EPHB1: variants seen among roughly 807,000 people sequenced by gnomAD.
EPHB1 encodes the protein ephrin type-B receptor 1.
In EPHB1, 30 loss-of-function variants were observed where a neutral mutation model predicts 94.4. The ratio of observed to expected loss-of-function variants is 0.32; its 90% CI spans 0.24 to 0.43. EPHB1 has a LOEUF of 0.43. Ranked by LOEUF, EPHB1 falls within the 20% of genes least tolerant of loss-of-function variation. EPHB1 has a pLI of 1.00. For missense variants in EPHB1, 1,055 were observed against 1,308.3 expected (o/e 0.81, Z 2.99); for synonymous variants, 522 against 489.1 (o/e 1.07, Z -0.89).
chr3:134,892,041 T>A (rs2107685718), intron 1 of EPHB1, among the ~76,000 whole-genome samples: 1 of 152,344 alleles, frequency 6.6e-6, no homozygotes, highest in African/African-American at 2.4e-5. Flanking sequence ...TCTCAGCAGA[T>A]CCTCTCCAAA....
At chr3:134,842,900 G>C (rs114301758) in intron 1 of EPHB1, among the ~76,000 whole-genome samples, 1 of 152,164 alleles carries the variant, frequency 6.6e-6, no homozygotes, top group African/African-American at 2.4e-5. Flanking sequence ...TCAACAATAC[G>C]GTGTTATTAG....
intron 1 of EPHB1, among the ~76,000 whole-genome samples, chr3:134,838,501 A>G (rs927752272): frequency 2.0e-5 from 3 of 152,238 alleles, no homozygotes; most frequent in East Asian, 1.9e-4. Context: ...AACAGTTTAT[A>G]CTAAAATTTT....
At chr3:135,256,705 T>G (rs1481102781) in intron 15 of EPHB1, among the ~76,000 whole-genome samples, 1 of 152,148 alleles carries the variant, frequency 6.6e-6, no homozygotes, top group African/African-American at 2.4e-5. Flanking sequence ...TTGGAGTTGC[T>G]CTTCTCGAGG....
intron 3 of EPHB1, among the ~76,000 whole-genome samples, chr3:135,083,700 G>A (rs931749689): frequency 2.0e-5 from 3 of 152,182 alleles, no homozygotes; most frequent in Non-Finnish European, 1.5e-5. Flanking sequence ...CCCACCTGCT[G>A]TTCTCCTATT....
chr3:134,829,422 A>C (rs2036541434), intron 1 of EPHB1, among the ~76,000 whole-genome samples: 1 of 152,116 alleles, frequency 6.6e-6, no homozygotes, highest in African/African-American at 2.4e-5. Context: ...TACCTCTCAA[A>C]AGCTGTTTGC....
chr3:134,943,612 A>G (rs1165801200), intron 2 of EPHB1, among the ~76,000 whole-genome samples: 5 of 152,180 alleles, frequency 3.3e-5, no homozygotes, highest in Admixed American at 1.3e-4. Flanking sequence ...TCCTGAGCCC[A>G]AGATTCTGAT....
rs528661025 is a variant in EPHB1 at position 135,039,019 on chromosome 3, A to G, written c.806-67429A>G. On this transcript the variant is annotated intron_variant, in intron 3 of 15. Transcript: ENST00000398015. ...TCTCTATGTCCCCATCAGATTAGTTAGATACAGAGTTTCGACACACAGGTT... is the reference window on the plus strand; with the variant it reads ...TCTCTATGTCCCCATCAGATTAGTTGGATACAGAGTTTCGACACACAGGTT... 2.0e-5 allele frequency among the ~76,000 whole-genome samples: 3 copies of G among 152,270 alleles called. No individual in the cohort carries two copies. In the South Asian group the frequency reaches 6.2e-4, roughly 32 times the overall value.
intron 1 of EPHB1, among the ~76,000 whole-genome samples, chr3:134,856,017 T>C (rs970908059): frequency 3.3e-5 from 5 of 152,174 alleles, no homozygotes; most frequent in African/African-American, 1.2e-4. Context: ...GTCCTGACTA[T>C]AGATAGCACC....
At chr3:134,950,302 T>C (rs914753465) in intron 2 of EPHB1, among the ~76,000 whole-genome samples, 2 of 152,214 alleles carry the variant, frequency 1.3e-5, no homozygotes, top group African/African-American at 4.8e-5. Flanking sequence ...CCCTCCAGCA[T>C]TTTCCTCCAT....
intron 3 of EPHB1, among the ~76,000 whole-genome samples, chr3:135,058,160 A>T (rs1576352051): frequency 6.6e-6 from 1 of 152,212 alleles, no homozygotes; most frequent in African/African-American, 2.4e-5. Flanking sequence ...TGTGCTGAGC[A>T]CTGGAGCCAT....
intron 1 of EPHB1, among the ~76,000 whole-genome samples, chr3:134,805,114 G>A (rs1019581224): frequency 3.9e-5 from 6 of 152,220 alleles, no homozygotes; most frequent in Non-Finnish European, 8.8e-5. Flanking sequence ...GTGAGCTGGG[G>A]ATGGGGGATT....
At chr3:135,033,067 A>G (rs993307349) in intron 3 of EPHB1, among the ~76,000 whole-genome samples, 13 of 152,176 alleles carry the variant, frequency 8.5e-5, no homozygotes, top group African/African-American at 2.9e-4. Context: ...TGTAGGTGAC[A>G]TTGGTGGTAA....
chr3:134,808,073 C>T (rs922652523), intron 1 of EPHB1, among the ~76,000 whole-genome samples: 2 of 151,870 alleles, frequency 1.3e-5, no homozygotes, highest in Admixed American at 1.3e-4. Context: ...TAGAAAATGG[C>T]AAAAAAAGTA....
chr3:135,250,582 G>C (rs986016820), intron 15 of EPHB1, among the ~76,000 whole-genome samples: 2 of 152,054 alleles, frequency 1.3e-5, no homozygotes, highest in African/African-American at 4.8e-5. Flanking sequence ...AGCTCCTCAG[G>C]TGATTCTAAT....
At chr3:134,936,306 T>C (rs907719890) in intron 2 of EPHB1, among the ~76,000 whole-genome samples, 1 of 151,738 alleles carries the variant, frequency 6.6e-6, no homozygotes, top group Non-Finnish European at 1.5e-5. Context: ...AAGTGTGGGG[T>C]TGGGGGACCA....
chr3:135,109,504 C>T (rs1939355067), intron 4 of EPHB1, among the ~76,000 whole-genome samples: 1 of 152,184 alleles, frequency 6.6e-6, no homozygotes, highest in Non-Finnish European at 1.5e-5. Flanking sequence ...TTGGTTACAT[C>T]CCTGGAAAGT....
intron 1 of EPHB1, among the ~76,000 whole-genome samples, chr3:134,908,958 C>T (rs982949696): frequency 6.8e-6 from 1 of 146,688 alleles, no homozygotes; most frequent in African/African-American, 2.7e-5. Context: ...GCTCCTCAGA[C>T]AGTTGTTGTG....
At chr3:135,012,070 G>A (rs1935639634) in intron 3 of EPHB1, among the ~76,000 whole-genome samples, 1 of 151,590 alleles carries the variant, frequency 6.6e-6, no homozygotes, top group Admixed American at 6.6e-5. Flanking sequence ...CGTAATGAGG[G>A]ACCACTTGAT....
chr3:135,106,878 A>G (rs1226749278), intron 4 of EPHB1, among the ~76,000 whole-genome samples: 2 of 152,146 alleles, frequency 1.3e-5, no homozygotes, highest in Admixed American at 1.3e-4. Flanking sequence ...TGTTCATCAG[A>G]TGTCAGACTG....
Sources: gnomAD v4.1 joint callset for allele counts (sites outside exome capture counted in the v4.1 genomes callset) on GRCh38, gnomAD v4.1.1 for gene constraint, MANE v1.5 for transcripts, NCBI Gene and HGNC (gene_info 2026-07-23, HGNC 2026-07-21) for gene names.